Variants in PCDHGB2 observed in about 807,000 individuals in gnomAD.
PCDHGB2 encodes the protein protocadherin gamma-B2.
A neutral mutation model predicts 59.3 loss-of-function variants in PCDHGB2; 55 were observed. The observed-to-expected ratio is 0.93, with a 90% confidence interval of 0.75 to 1.16. The LOEUF (loss-of-function observed/expected upper bound fraction) is 1.16, where lower values mean the gene tolerates loss of function less well. Among genes scored for constraint, PCDHGB2 ranks in the 50% most tolerant of loss-of-function variants. The pLI is 0.00. For synonymous variants in PCDHGB2, 516 were observed against 512.0 expected, an observed-to-expected ratio of 1.01 and a Z score of -0.11; for missense variants, 1,228 against 1,198.5, an observed-to-expected ratio of 1.02 and a Z score of -0.36.
intron 1 of PCDHGB2, chr5:141,370,499 C>T (rs552448276): frequency 2.5e-6 from 4 of 1,613,946 alleles, no homozygotes; most frequent in Non-Finnish European, 3.4e-6. Flanking sequence ...CGATCCGCTA[C>T]GCTATTCCCG....
rs769633110 is a variant in PCDHGB2 at position 141,374,076 on chromosome 5, A to G, written c.2421+11520A>G. The G allele has an allele frequency of 3.3e-6, 5 of 1,514,538 alleles. No homozygotes were observed. The Admixed American group carries it at 9.2e-5, about 28-fold the overall frequency. 93.8% of individuals were successfully genotyped at this position (1,514,538 alleles called of 1,614,324 possible). A position where few individuals can be genotyped will look rare whatever the true frequency, so the allele number is the denominator to read the frequency against. ...CTTAATCCCAGAGAAGTTCCTAATA[A>G]GCCAGTAATGGCGCCTCCGCAGAGG... On this transcript the variant is annotated intron_variant, in intron 1 of 3. Coordinates refer to ENST00000522605, the MANE Select transcript of PCDHGB2 (RefSeq NM_018923.3).
At chr5:141,413,993 G>A (rs756042576) in intron 1 of PCDHGB2, 2 of 1,613,486 alleles carry the variant, frequency 1.2e-6, no homozygotes, top group Non-Finnish European at 1.7e-6. Context: ...GCCACCGACA[G>A]GGACGAAGGT....
chr5:141,501,290 T>TACACATACACAC (rs1224133816), intron 2 of PCDHGB2, among the ~76,000 whole-genome samples: 9 of 136,158 alleles, frequency 6.6e-5, no homozygotes, highest in Admixed American at 1.6e-4. Context: ...TATTCCCTTA[T>TACACATACACAC]ACACACACAC....
Position 141,432,093 on chromosome 5 carries a change from C to G in PCDHGB2, c.2422-62714C>G. On this transcript the variant is annotated intron_variant, in intron 1 of 3. Coordinates refer to ENST00000522605, the MANE Select transcript of PCDHGB2 (RefSeq NM_018923.3). This position sits in a 1 kb window ranked among gnomAD's most constrained non-coding sequence, Gnocchi z 6.0. ...CATATCTCGCTGAACGTGGCAGACA[C>G]CAACGACAACCCGCCGGTCTTCCCT... 1 of 1,614,170 alleles carries G rather than the reference C, an allele frequency of 6.2e-7. No individual in the cohort carries two copies. The highest frequency in any genetic ancestry group is 8.5e-7 in the Non-Finnish European group (1 of 1,180,046).
rs749221752 is a variant in PCDHGB2 at position 141,432,670 on chromosome 5, G to T, written c.2422-62137G>T. ...CGCGAGCCCTGCTGGACAGAGACGCGCTCAAGCAGAGCCTCGTAGTGGCCG... is the reference window on the plus strand; with the variant it reads ...CGCGAGCCCTGCTGGACAGAGACGCTCTCAAGCAGAGCCTCGTAGTGGCCG... On this transcript the variant is annotated intron_variant, in intron 1 of 3. Coordinates refer to ENST00000522605, the MANE Select transcript of PCDHGB2 (RefSeq NM_018923.3). This position sits in a 1 kb window ranked among gnomAD's most constrained non-coding sequence, Gnocchi z 6.0. 7 of 1,613,750 alleles carry T rather than the reference G, an allele frequency of 4.3e-6. No homozygotes were observed. The African/African-American group carries it at 5.3e-5, about 12-fold the overall frequency.
chr5:141,362,714 C>G, intron 1 of PCDHGB2, 158 bp downstream of exon 1: 1 of 916,370 alleles, frequency 1.1e-6, no homozygotes, highest in South Asian at 1.8e-5. Context: ...AGTGTTTTCT[C>G]TCTGAAGTGT....
rs769760594 is a variant in PCDHGB2, at chr5:141,389,212, TA to T, written c.2421+26659del. ...AGCATCACCCTGCACATTGGTGATG[TA>T]AATGACAACGCTCCGGTTTTCTCAC... On this transcript the variant is annotated intron_variant, in intron 1 of 3. Coordinates refer to ENST00000522605, the MANE Select transcript of PCDHGB2 (RefSeq NM_018923.3). 96 of 1,614,016 alleles carry T rather than the reference TA, an allele frequency of 5.9e-5. No homozygotes were observed. The East Asian group carries it at 2.0e-3, about 33-fold the overall frequency.
chr5:141,382,470 A>G (rs918118556), intron 1 of PCDHGB2, among the ~76,000 whole-genome samples: 1 of 152,234 alleles, frequency 6.6e-6, no homozygotes, highest in African/African-American at 2.4e-5. Flanking sequence ...TTTAAAAATT[A>G]TCTAAGATTA....
At chr5:141,506,735 G>A (rs1467217136) in intron 3 of PCDHGB2, among the ~76,000 whole-genome samples, 1 of 152,098 alleles carries the variant, frequency 6.6e-6, no homozygotes, top group Non-Finnish European at 1.5e-5. Context: ...TTAGAATAAT[G>A]CCTATTAATA....
Position 141,360,192 on chromosome 5 carries a change from C to T in PCDHGB2, c.57C>T (p.Pro19=). 1 of 1,611,916 alleles carries T rather than the reference C, an allele frequency of 6.2e-7. No homozygotes were observed. The highest frequency in any genetic ancestry group is 8.5e-7 in the Non-Finnish European group (1 of 1,178,924). Residue 19 remains proline (P), a synonymous_variant, in exon 1 of 4, where the codon CCC becomes CCT. Coordinates refer to ENST00000522605, the MANE Select transcript of PCDHGB2 (RefSeq NM_018923.3). ...GLVRWLQVLL[P]FLLSLFPGAL... is the part of the protein sequence containing the mutation. ...TGCGGTGGCTGCAGGTACTGTTGCC[C>T]TTCCTGTTGTCTTTGTTCCCCGGGG... is the stretch of plus-strand genomic sequence containing the variant.
chr5:141,482,736 C>T (rs897817817), intron 1 of PCDHGB2, among the ~76,000 whole-genome samples: 6 of 152,056 alleles, frequency 3.9e-5, no homozygotes, highest in African/African-American at 1.2e-4. Context: ...GCAAGAAATT[C>T]CATGCAGAGG....
At chr5:141,388,579 T>A (rs113550354) in intron 1 of PCDHGB2, 7 of 1,613,908 alleles carry the variant, frequency 4.3e-6, no homozygotes, top group Non-Finnish European at 5.1e-6. Flanking sequence ...CACGTTCTAG[T>A]GACTGATGCC....
intron 1 of PCDHGB2, chr5:141,413,201 A>G (rs746209535): frequency 1.9e-6 from 3 of 1,611,954 alleles, no homozygotes; most frequent in Non-Finnish European, 2.5e-6. Context: ...AATCGCTCAA[A>G]GGAATCAAAG....
chr5:141,510,944 C>T lies in PCDHGB2; in HGVS notation c.2570-3C>T, dbSNP rs772921698. 2 of 1,614,120 alleles carry T rather than the reference C, an allele frequency of 1.2e-6. No individual in the cohort carries two copies. Among genetic ancestry groups the T allele is most frequent in the South Asian group, 2.2e-5 (2 of 91,080 alleles). On this transcript the variant is annotated splice_region_variant and splice_polypyrimidine_tract_variant and intron_variant, in intron 3 of 3. Transcript: ENST00000522605. Reference sequence around the variant, plus strand: ...CCCACCTGATCTTCCTCTGTCTCTGCAGAAGCTGCTGATGGGAGCTCCACC... The same window carrying T: ...CCCACCTGATCTTCCTCTGTCTCTGTAGAAGCTGCTGATGGGAGCTCCACC...
chr5:141,459,827 A>T (rs779024675), intron 1 of PCDHGB2, among the ~76,000 whole-genome samples: 1 of 152,126 alleles, frequency 6.6e-6, no homozygotes, highest in Non-Finnish European at 1.5e-5. Context: ...GCAACTTTTC[A>T]TGTGTTGTCT....
intron 1 of PCDHGB2, chr5:141,427,712 C>A: frequency 9.5e-7 from 1 of 1,051,464 alleles, no homozygotes; most frequent in Non-Finnish European, 1.4e-6. Context: ...GCGCCTCTGA[C>A]CTGGACCTAG....
intron 1 of PCDHGB2, chr5:141,387,784 T>A (rs2091093181): frequency 6.8e-7 from 1 of 1,472,514 alleles, no homozygotes; most frequent in East Asian, 2.4e-5. Context: ...GAACTGGAAC[T>A]GCAACTAAAG....
chr5:141,382,674 C>G (rs951969894), intron 1 of PCDHGB2: 43 of 436,018 alleles, frequency 9.9e-5, no homozygotes, highest in African/African-American at 8.4e-4. Context: ...CCGCTGTTCA[C>G]CAACCAGGGA....
At chr5:141,419,472 G>T in intron 1 of PCDHGB2, 1 of 1,612,328 alleles carries the variant, frequency 6.2e-7, no homozygotes, top group South Asian at 1.1e-5. Flanking sequence ...CGCGACCAGG[G>T]CTCGCCCGCG....
Sources: allele counts gnomAD v4.1 joint callset (sites outside exome capture counted in the v4.1 genomes callset), GRCh38; gene constraint gnomAD v4.1.1; non-coding constraint Gnocchi (gnomAD v3.1); transcripts MANE v1.5; gene names NCBI Gene and HGNC (gene_info 2026-07-23, HGNC 2026-07-21).